TEX26: variants seen among roughly 807,000 people sequenced by gnomAD.
The protein encoded by TEX26 is testis-expressed protein 26.
A neutral mutation model predicts 35.3 loss-of-function variants in TEX26; 34 were observed. The observed-to-expected ratio is 0.96, with a 90% CI of 0.73 to 1.28. The LOEUF (loss-of-function observed/expected upper bound fraction) is 1.28. Among genes scored for constraint, TEX26 ranks in the 50% most tolerant of loss-of-function variants. The pLI, the probability that TEX26 is intolerant of heterozygous loss-of-function variation, is 0.00. For synonymous variants in TEX26, 136 were observed against 111.8 expected, an observed-to-expected ratio of 1.22 and a Z score of -1.36; for missense variants, 371 against 330.1, an observed-to-expected ratio of 1.12 and a Z score of -0.96.
At chr13:30,942,896 G>T (rs1953565867) in intron 2 of TEX26, among the ~76,000 whole-genome samples, 1 of 152,058 alleles carries the variant, frequency 6.6e-6, no homozygotes, top group Non-Finnish European at 1.5e-5. Flanking sequence ...CTATAGCCTT[G>T]TAGTATAATT....
In TEX26 at chr13:30,939,393, A is replaced by G. The variant is rs578042751; in HGVS notation, c.62-301A>G. Among the ~76,000 whole-genome samples, 4 of 152,322 alleles carry G rather than the reference A, an allele frequency of 2.6e-5. No individual in the cohort carries two copies. In the East Asian group the frequency reaches 7.7e-4, roughly 29 times the overall value. The stretch of plus-strand genomic sequence containing the variant: ...ACATAATAGTAGGTCTCTTAAAATG[A>G]TAGAGTTTCAGATGAATTACTTTCC... On this transcript the variant is annotated intron_variant, in intron 1 of 6. Coordinates refer to ENST00000380473, the MANE Select transcript of TEX26 (RefSeq NM_152325.3).
At chr13:30,962,227 C>A (rs1401297739) in intron 4 of TEX26, among the ~76,000 whole-genome samples, 2 of 152,190 alleles carry the variant, frequency 1.3e-5, no homozygotes, top group African/African-American at 4.8e-5. Flanking sequence ...TGGATTAAAA[C>A]CCTTCAGTGA....
chr13:30,956,763 C>T, intron 3 of TEX26, 110 bp from the exon 4 acceptor site: 1 of 993,650 alleles, frequency 1.0e-6, no homozygotes, highest in South Asian at 1.6e-5. Context: ...CCTGCAGTGG[C>T]AGCTGGTTGT....
At chr13:30,944,571 G>A (rs1032785286) in intron 2 of TEX26, among the ~76,000 whole-genome samples, 4 of 152,038 alleles carry the variant, frequency 2.6e-5, no homozygotes, top group South Asian at 2.1e-4. Context: ...TTTTGCTGTA[G>A]GCATTTAGTG....
At chr13:30,966,524 G>A (rs373021868) in intron 5 of TEX26, 126 bp downstream of exon 5, 23 of 838,516 alleles carry the variant, frequency 2.7e-5, no homozygotes, top group South Asian at 5.6e-5. Flanking sequence ...TGAGATCTCC[G>A]CCTCCTGGGT....
intron 5 of TEX26, among the ~76,000 whole-genome samples, chr13:30,966,981 A>G (rs1438886949): frequency 6.6e-6 from 1 of 152,158 alleles, no homozygotes; most frequent in African/African-American, 2.4e-5. Flanking sequence ...GGGGAGGGGC[A>G]GTGGTTGGGA....
chr13:30,959,886 A>T (rs958031136), intron 4 of TEX26, among the ~76,000 whole-genome samples: 2 of 152,250 alleles, frequency 1.3e-5, no homozygotes, highest in African/African-American at 4.8e-5. Flanking sequence ...TGTCAGGAAT[A>T]AAGAGATCTT....
intron 4 of TEX26, among the ~76,000 whole-genome samples, chr13:30,961,378 C>G (rs921257316): frequency 5.3e-5 from 8 of 152,200 alleles, no homozygotes; most frequent in East Asian, 1.9e-4. Flanking sequence ...GAGCCTTGCT[C>G]CCTGCCTTCC....
At chr13:30,953,219 C>G (rs1471171319) in intron 3 of TEX26, among the ~76,000 whole-genome samples, 1 of 152,140 alleles carries the variant, frequency 6.6e-6, no homozygotes, top group Non-Finnish European at 1.5e-5. Flanking sequence ...CACTCCCCAC[C>G]GTCTGCTTTC....
At position 30,937,159 on chromosome 13, in the gene TEX26, C is replaced by T. The variant is rs151118738; in HGVS notation, c.62-2535C>T. 5.9e-5 allele frequency among the ~76,000 whole-genome samples: 9 copies of T among 152,204 alleles called. 1 individual carries two copies. In the South Asian group the frequency reaches 1.0e-3, roughly 18 times the overall value. ...GAGGGAGGCTCTCATGGCCTCAGTTCCTGGAAACAGTAAGGCATGCTGCTC... is the reference window on the plus strand; with the variant it reads ...GAGGGAGGCTCTCATGGCCTCAGTTTCTGGAAACAGTAAGGCATGCTGCTC... On this transcript the variant is annotated intron_variant, in intron 1 of 6. Coordinates refer to ENST00000380473, the MANE Select transcript of TEX26 (RefSeq NM_152325.3).
At chr13:30,974,285 T>A (rs1458942313) in intron 6 of TEX26, among the ~76,000 whole-genome samples, 1 of 151,734 alleles carries the variant, frequency 6.6e-6, no homozygotes, top group Non-Finnish European at 1.5e-5. Context: ...ATTCAAGGAC[T>A]AGTAAACCTT....
At chr13:30,951,971 T>A (rs1437196243) in intron 2 of TEX26, among the ~76,000 whole-genome samples, 1 of 149,924 alleles carries the variant, frequency 6.7e-6, no homozygotes, top group Non-Finnish European at 1.5e-5. Context: ...GACAAATTCT[T>A]TGTTGAAGAA....
At chr13:30,970,160 TGTGTGTGA>T (rs1297238093) in intron 6 of TEX26, among the ~76,000 whole-genome samples, 50 of 85,504 alleles carry the variant, frequency 5.8e-4, no homozygotes, top group Middle Eastern at 9.9e-3. Flanking sequence ...CAGGGAAGGG[TGTGTGTGA>T]GTGTGTGTGT....
At chr13:30,941,450 A>G (rs900639771) in intron 2 of TEX26, among the ~76,000 whole-genome samples, 3 of 152,234 alleles carry the variant, frequency 2.0e-5, no homozygotes, top group African/African-American at 7.2e-5. Context: ...GTTTGAATTT[A>G]TATATTTATA....
chr13:30,974,119 T>TAAAAAA (rs747590592), intron 6 of TEX26, among the ~76,000 whole-genome samples: 839 of 74,286 alleles, frequency 0.011, 59 homozygotes, highest in African/African-American at 0.046. Flanking sequence ...AGCCTCCATC[T>TAAAAAA]AAAAAAAAAA....
At chr13:30,936,808 C>A (rs1382131967) in intron 1 of TEX26, 1 of 985,230 alleles carries the variant, frequency 1.0e-6, no homozygotes, top group African/African-American at 1.7e-5. Flanking sequence ...ATGAGCTACA[C>A]AAAAGGACAT....
In TEX26 at chr13:30,974,019, G is replaced by T. The variant is rs1954795529; in HGVS notation, c.809-827G>T. On this transcript the variant is annotated intron_variant, in intron 6 of 6. Transcript: ENST00000380473. ...GCCTGTAATCCCAGCTACTCAGGAG[G>T]CTGAGGGAGGAGAATTGCTTGAACC... Among the ~76,000 whole-genome samples the T allele has an allele frequency of 1.3e-5, 2 of 151,106 alleles. 1 individual carries two copies. Among genetic ancestry groups the T allele is most frequent in the South Asian group, 4.2e-4 (2 of 4,768 alleles).
Position 30,952,719 on chromosome 13 carries a change from A to G in TEX26, c.206A>G (p.Gln69Arg). Residue 69 changes from glutamine to arginine, a missense_variant, in exon 3 of 7, where the codon CAG (glutamine) becomes CGG (arginine). By Grantham distance (43) the Gln-to-Arg change is conservative (BLOSUM62 1). Transcript: ENST00000380473. ...TYSLSDPILN[Q>R]TQYSDEYTWK... The stretch of plus-strand genomic sequence containing the variant: ...TCACTTAGTGATCCTATTCTCAATC[A>G]GACACAATATAGTGATGAGTACACT... 1 of 1,612,470 alleles carries G rather than the reference A, an allele frequency of 6.2e-7. No homozygotes were observed. Among genetic ancestry groups the G allele is most frequent in the Non-Finnish European group, 8.5e-7 (1 of 1,179,248 alleles).
intron 2 of TEX26, among the ~76,000 whole-genome samples, chr13:30,949,186 C>T (rs952696072): frequency 6.6e-6 from 1 of 152,140 alleles, no homozygotes; most frequent in African/African-American, 2.4e-5. Context: ...ATGCCTCAAG[C>T]TTTGACTTTC....
Sources: allele counts gnomAD v4.1 joint callset (sites outside exome capture counted in the v4.1 genomes callset), GRCh38; gene constraint gnomAD v4.1.1; transcripts MANE v1.5; gene names NCBI Gene and HGNC (gene_info 2026-07-23, HGNC 2026-07-21).